Variants in EXOC6 observed in about 807,000 individuals in gnomAD.
EXOC6 encodes exocyst complex component 6.
Under a neutral mutation model 112.5 loss-of-function variants are expected in EXOC6, and 60 were observed. The ratio of observed to expected loss-of-function variants is 0.53; its 90% CI spans 0.43 to 0.66. EXOC6 has a LOEUF of 0.66. Among genes scored for constraint, EXOC6 ranks in the 30% least tolerant of loss-of-function variants. The pLI, the probability that EXOC6 is intolerant of heterozygous loss-of-function variation, is 0.00. For synonymous variants in EXOC6, 295 were observed against 308.0 expected (o/e 0.96, Z 0.44); for missense variants, 855 against 957.1 (o/e 0.89, Z 1.41).
chr10:92,902,874 T>G (rs1365070475), intron 5 of EXOC6, among the ~76,000 whole-genome samples: 1 of 152,172 alleles, frequency 6.6e-6, no homozygotes, highest in African/African-American at 2.4e-5. Flanking sequence ...CTCCCGATAA[T>G]GTTTTTAAAA....
At chr10:92,913,763 G>A (rs10882126) in intron 6 of EXOC6, among the ~76,000 whole-genome samples, 38,773 of 152,060 alleles carry the variant, frequency 0.25, 6,233 homozygotes, top group East Asian at 0.73. Context: ...AATTTTTTAA[G>A]TGGAGGATTT....
At chr10:92,908,203 C>T (rs931171647) in intron 5 of EXOC6, among the ~76,000 whole-genome samples, 1 of 151,504 alleles carries the variant, frequency 6.6e-6, no homozygotes, top group African/African-American at 2.4e-5. Flanking sequence ...TACAGGTGTG[C>T]ACTACCACGC....
At chr10:92,901,334 A>C (rs1375750663) in intron 5 of EXOC6, 1 of 152,154 alleles carries the variant, frequency 6.6e-6, no homozygotes, top group Non-Finnish European at 1.5e-5. Context: ...ATGTTGATTT[A>C]AAAAATTCTA....
chr10:92,920,014 C>T lies in EXOC6; in HGVS notation c.852C>T (p.Ser284=), dbSNP rs760091184. ...ILTVQDLVDF[S]PVYRCLHIYS... ...CTGTTCAGGATCTTGTTGATTTTTC[C>T]CCTGTTTATCGATGTTTGCACATTT... Residue 284 remains serine, a synonymous_variant, in exon 8 of 22, where the codon TCC becomes TCT. Coordinates refer to ENST00000260762, the MANE Select transcript of EXOC6 (RefSeq NM_019053.6). 12 of 1,604,870 alleles carry T rather than the reference C, an allele frequency of 7.5e-6. No individual in the cohort carries two copies. The highest frequency in any genetic ancestry group is 8.5e-6 in the Non-Finnish European group (10 of 1,175,246).
At chr10:92,849,887 G>A (rs1847240898) in intron 1 of EXOC6, among the ~76,000 whole-genome samples, 1 of 152,146 alleles carries the variant, frequency 6.6e-6, no homozygotes. Flanking sequence ...TAGGGACCTT[G>A]CCTATTTGTT....
At chr10:93,004,755 T>C (rs912195135) in intron 19 of EXOC6, among the ~76,000 whole-genome samples, 1 of 152,218 alleles carries the variant, frequency 6.6e-6, no homozygotes, top group African/African-American at 2.4e-5. Flanking sequence ...TGCTTTCAGA[T>C]CAGTCTTAAG....
In EXOC6 at chr10:93,015,924, T is replaced by C. The variant is rs547917225; in HGVS notation, c.2169+1657T>C. ...TTACGTCAAACAAGGAACACTGTTATAGGTGACCTAGATCTGTAGATGATT... is the reference window on the plus strand; with the variant it reads ...TTACGTCAAACAAGGAACACTGTTACAGGTGACCTAGATCTGTAGATGATT... On this transcript the variant is annotated intron_variant, in intron 20 of 21. Coordinates refer to ENST00000260762, the MANE Select transcript of EXOC6 (RefSeq NM_019053.6). Among the ~76,000 whole-genome samples, 25 of 152,340 alleles carry C rather than the reference T, an allele frequency of 1.6e-4. 1 individual carries two copies. In the South Asian group the frequency reaches 5.0e-3, roughly 30 times the overall value.
intron 8 of EXOC6, among the ~76,000 whole-genome samples, chr10:92,920,285 C>A (rs1031009319): frequency 6.6e-6 from 1 of 152,090 alleles, no homozygotes; most frequent in African/African-American, 2.4e-5. Flanking sequence ...CCATTTCTCC[C>A]TATTGCCTTT....
intron 1 of EXOC6, among the ~76,000 whole-genome samples, chr10:92,892,470 C>G (rs946299508): frequency 1.3e-5 from 2 of 152,204 alleles, no homozygotes; most frequent in African/African-American, 4.8e-5. Flanking sequence ...ACTGACTACC[C>G]ATGTAGACTT....
intron 6 of EXOC6, among the ~76,000 whole-genome samples, chr10:92,912,308 C>T (rs1176099312): frequency 2.6e-5 from 4 of 152,018 alleles, no homozygotes; most frequent in South Asian, 2.1e-4. Flanking sequence ...GCCAGCAGCC[C>T]GCAATGCAAC....
intron 5 of EXOC6, among the ~76,000 whole-genome samples, chr10:92,903,282 G>T (rs774492421): frequency 8.6e-5 from 13 of 151,838 alleles, no homozygotes; most frequent in Non-Finnish European, 1.6e-4. Context: ...GTTTGTTCTA[G>T]TTGAGCCATT....
At position 92,892,698 on chromosome 10, in the gene EXOC6, C is replaced by T. The variant is rs555917135; in HGVS notation, c.102-651C>T. On this transcript the variant is annotated intron_variant, in intron 1 of 21. Transcript: ENST00000260762. ...TTACTGCATGGTGAATAGAGGGGTA[C>T]GCTCTCTGTGGAGACAGCATGAGCT... 1.4e-4 allele frequency among the ~76,000 whole-genome samples: 22 copies of T among 152,256 alleles called. No individual in the cohort carries two copies. In the East Asian group the frequency reaches 2.3e-3, roughly 16 times the overall value.
chr10:92,956,381 AATTTAACC>A (rs2134022464), intron 17 of EXOC6, among the ~76,000 whole-genome samples: 1 of 152,272 alleles, frequency 6.6e-6, no homozygotes, highest in South Asian at 2.1e-4. Flanking sequence ...TGGGCTTGCT[AATTTAACC>A]TTACAGCTCT....
chr10:92,832,720 T>C (rs1185296664), upstream of EXOC6, among the ~76,000 whole-genome samples: 1 of 149,602 alleles, frequency 6.7e-6, no homozygotes, highest in Non-Finnish European at 1.5e-5. Context: ...TGGAGTTCAG[T>C]GGCCCGATCT....
chr10:92,842,962 G>T (rs1216246541), intron 1 of EXOC6, among the ~76,000 whole-genome samples: 1 of 152,040 alleles, frequency 6.6e-6, no homozygotes, highest in Non-Finnish European at 1.5e-5. Context: ...AACTGCGTAG[G>T]TCACACACCA....
At chr10:93,026,794 T>C (rs1459079508) in intron 20 of EXOC6, among the ~76,000 whole-genome samples, 1 of 152,194 alleles carries the variant, frequency 6.6e-6, no homozygotes, top group Non-Finnish European at 1.5e-5. Flanking sequence ...ACCAACCAGC[T>C]GTTCCCGTCT....
At position 92,899,651 on chromosome 10, in the gene EXOC6, T is replaced by G; in HGVS notation, c.458+7T>G. On this transcript the variant is annotated splice_region_variant and intron_variant, in intron 5 of 21. Transcript: ENST00000260762. ...AACAGATGAGTGCCAAAAGGTGAGTTGGTTTTTTTCCTATTGTTTTAAATA... is the reference window on the plus strand; with the variant it reads ...AACAGATGAGTGCCAAAAGGTGAGTGGGTTTTTTTCCTATTGTTTTAAATA... The G allele has an allele frequency of 6.2e-7, 1 of 1,605,136 alleles. No homozygotes were observed. The highest frequency in any genetic ancestry group is 8.5e-7 in the Non-Finnish European group (1 of 1,174,272).
chr10:92,880,105 G>C (rs182661814), intron 1 of EXOC6, among the ~76,000 whole-genome samples: 6 of 152,186 alleles, frequency 3.9e-5, no homozygotes, highest in African/African-American at 1.4e-4. Flanking sequence ...AGTTTTTGTG[G>C]GGATTTGCTT....
intron 1 of EXOC6, among the ~76,000 whole-genome samples, chr10:92,880,276 T>C (rs1042737205): frequency 1.3e-5 from 2 of 152,266 alleles, no homozygotes; most frequent in Admixed American, 6.5e-5. Flanking sequence ...TAAATAGTGG[T>C]TTACTGTATT....
Sources: allele counts gnomAD v4.1 joint callset (sites outside exome capture counted in the v4.1 genomes callset), GRCh38; gene constraint gnomAD v4.1.1; transcripts MANE v1.5; gene names NCBI Gene and HGNC (gene_info 2026-07-23, HGNC 2026-07-21).